Variants in PDS5A observed in about 807,000 individuals in gnomAD.
PDS5A encodes PDS5 cohesin associated factor A, also known as sister chromatid cohesion protein PDS5 homolog A.
Under a neutral mutation model 167.1 loss-of-function variants are expected in PDS5A, and 42 were observed. The ratio of observed to expected loss-of-function variants is 0.25; its 90% confidence interval spans 0.20 to 0.33. The LOEUF (loss-of-function observed/expected upper bound fraction) is 0.33, where lower values mean the gene tolerates loss of function less well. Ranked by LOEUF, PDS5A falls within the 10% of genes least tolerant of loss-of-function variation. The probability of loss-of-function intolerance (pLI) is 1.00; values close to 1 mark genes in which losing one functional copy is unlikely to be tolerated. For synonymous variants in PDS5A, 553 were observed against 554.6 expected (o/e 1.00, Z 0.04); for missense variants, 1,033 against 1,605.9 (o/e 0.64, Z 6.10).
intron 32 of PDS5A, among the ~76,000 whole-genome samples, chr4:39,832,869 G>A (rs1252545827): frequency 6.6e-6 from 1 of 151,746 alleles, no homozygotes; most frequent in Non-Finnish European, 1.5e-5. Flanking sequence ...AAAAAAGTTT[G>A]AAGAGGCTGG....
chr4:39,966,237 A>C (rs1044814954), intron 2 of PDS5A, among the ~76,000 whole-genome samples: 1 of 152,258 alleles, frequency 6.6e-6, no homozygotes, highest in African/African-American at 2.4e-5. Flanking sequence ...CAAAATTATC[A>C]CACTGTGTAG....
chr4:39,973,593 A>T, intron 2 of PDS5A: 4 of 1,280,470 alleles, frequency 3.1e-6, no homozygotes, highest in Non-Finnish European at 4.6e-6. Context: ...TTGGTTTCGT[A>T]TGTTTCTCCT....
At chr4:39,945,978 G>C (rs147391109) in intron 2 of PDS5A, among the ~76,000 whole-genome samples, 6 of 151,742 alleles carry the variant, frequency 4.0e-5, no homozygotes, top group South Asian at 2.1e-4. Context: ...GTGGAGGGAG[G>C]GGGGGATCAC....
intron 7 of PDS5A, among the ~76,000 whole-genome samples, chr4:39,919,211 G>A (rs868354617): frequency 1.3e-5 from 2 of 150,088 alleles, no homozygotes; most frequent in South Asian, 2.2e-4. Flanking sequence ...GATTCACAAA[G>A]ATGATTAGGA....
chr4:39,971,754 C>A (rs1300595476), intron 2 of PDS5A, among the ~76,000 whole-genome samples: 2 of 152,182 alleles, frequency 1.3e-5, no homozygotes, highest in African/African-American at 2.4e-5. Flanking sequence ...GCCCCTGCGT[C>A]CGGGCTTAAG....
intron 17 of PDS5A, among the ~76,000 whole-genome samples, chr4:39,881,620 G>T (rs1452536345): frequency 1.3e-5 from 2 of 151,920 alleles, no homozygotes; most frequent in Non-Finnish European, 2.9e-5. Context: ...TATTCACAAG[G>T]TTGTACCACC....
intron 31 of PDS5A, among the ~76,000 whole-genome samples, chr4:39,838,485 G>A (rs1441485818): frequency 6.6e-6 from 1 of 152,176 alleles, no homozygotes; most frequent in Admixed American, 6.5e-5. Context: ...ACTTTAGGAG[G>A]CTAAAGCGGG....
intron 23 of PDS5A, 124 bp downstream of exon 23, chr4:39,866,737 T>C (rs988386444): frequency 3.9e-6 from 3 of 777,392 alleles, no homozygotes; most frequent in Non-Finnish European, 4.0e-6. Context: ...AATGAGTACA[T>C]AAGATCTGAC....
At chr4:39,965,151 G>A (rs1174242686) in intron 2 of PDS5A, among the ~76,000 whole-genome samples, 1 of 152,110 alleles carries the variant, frequency 6.6e-6, no homozygotes, top group African/African-American at 2.4e-5. Context: ...GAGTAAGGTA[G>A]AGGTGATAAT....
At chr4:39,970,790 CTT>C (rs35223238) in intron 2 of PDS5A, among the ~76,000 whole-genome samples, 14 of 88,490 alleles carry the variant, frequency 1.6e-4, no homozygotes, top group South Asian at 5.4e-4. Flanking sequence ...CCGCTTGTTC[CTT>C]TTTTTTTTTT....
At chr4:39,930,683 G>C (rs1725978825) in intron 2 of PDS5A, among the ~76,000 whole-genome samples, 2 of 151,958 alleles carry the variant, frequency 1.3e-5, no homozygotes, top group African/African-American at 4.8e-5. Flanking sequence ...AATTATACTG[G>C]CTTGAAACAA....
At chr4:39,961,484 C>A (rs1314323426) in intron 2 of PDS5A, among the ~76,000 whole-genome samples, 3 of 152,064 alleles carry the variant, frequency 2.0e-5, no homozygotes, top group Non-Finnish European at 2.9e-5. Context: ...TGGTCTCGAA[C>A]ACCTGACCTC....
At chr4:39,872,480 C>A (rs1720132750) in intron 21 of PDS5A, among the ~76,000 whole-genome samples, 1 of 152,108 alleles carries the variant, frequency 6.6e-6, no homozygotes, top group Non-Finnish European at 1.5e-5. Flanking sequence ...GCCTGGCCAA[C>A]ATAGCGAAAC....
intron 15 of PDS5A, 35 bp downstream of exon 15, chr4:39,898,742 T>A: frequency 7.4e-7 from 1 of 1,348,336 alleles, no homozygotes; most frequent in East Asian, 2.4e-5. Flanking sequence ...CATTTACGTT[T>A]ACTACATGTT....
intron 2 of PDS5A, among the ~76,000 whole-genome samples, chr4:39,964,307 TA>T (rs1479680629): frequency 6.6e-6 from 1 of 152,004 alleles, no homozygotes; most frequent in Non-Finnish European, 1.5e-5. Flanking sequence ...CAAATGGAGG[TA>T]ACAGACTGAA....
At chr4:39,860,599 T>G (rs79042903) in intron 26 of PDS5A, among the ~76,000 whole-genome samples, 5,704 of 152,056 alleles carry the variant, frequency 0.038, 330 homozygotes, top group African/African-American at 0.13. Context: ...CCTCAACAGA[T>G]AAATTAATTA....
intron 17 of PDS5A, among the ~76,000 whole-genome samples, chr4:39,883,631 T>A (rs1721152826): frequency 6.6e-6 from 1 of 152,146 alleles, no homozygotes; most frequent in African/African-American, 2.4e-5. Context: ...TTTAGCCCAG[T>A]TTTTTTGTTT....
At chr4:39,883,086 CCTT>C (rs770166599) in intron 17 of PDS5A, among the ~76,000 whole-genome samples, 1 of 152,172 alleles carries the variant, frequency 6.6e-6, no homozygotes, top group African/African-American at 2.4e-5. Flanking sequence ...GTTAAGATGT[CCTT>C]CTTCTTGCTC....
chr4:39,959,326 G>C (rs776544332), intron 2 of PDS5A, among the ~76,000 whole-genome samples: 1 of 152,042 alleles, frequency 6.6e-6, no homozygotes, highest in Non-Finnish European at 1.5e-5. Context: ...TTATACCCTA[G>C]TTGCAAGCTA....
Sources: allele counts gnomAD v4.1 joint callset (sites outside exome capture counted in the v4.1 genomes callset), GRCh38; gene constraint gnomAD v4.1.1; transcripts MANE v1.5; gene names NCBI Gene and HGNC (gene_info 2026-07-23, HGNC 2026-07-21).